ADK: variants seen among roughly 807,000 people sequenced by gnomAD.
ADK encodes adenosine kinase.
A neutral mutation model predicts 44.7 loss-of-function variants in ADK; 24 were observed. That is an observed-to-expected ratio of 0.54 (90% confidence interval 0.39 to 0.76). ADK has a LOEUF of 0.76. Ranked by LOEUF, ADK falls within the 30% of genes least tolerant of loss-of-function variation. The pLI is 0.00. For missense variants in ADK, 321 were observed against 425.1 expected (o/e 0.76, Z 2.15); for synonymous variants, 128 against 142.6 (o/e 0.90, Z 0.73).
intron 9 of ADK, 22 bp downstream of exon 9, chr10:74,600,515 T>C (rs1164651334): frequency 2.6e-6 from 4 of 1,524,090 alleles, no homozygotes; most frequent in Middle Eastern, 1.7e-4. Context: ...AAATGTGTGA[T>C]GAATCTAGTA....
intron 4 of ADK, among the ~76,000 whole-genome samples, chr10:74,339,160 C>T (rs1419069796): frequency 6.6e-6 from 1 of 151,938 alleles, no homozygotes; most frequent in African/African-American, 2.4e-5. Context: ...GGGGTCTCAC[C>T]ATGTTGCCCA....
intron 7 of ADK, among the ~76,000 whole-genome samples, chr10:74,576,479 T>C (rs779429944): frequency 1.8e-4 from 27 of 152,132 alleles, no homozygotes; most frequent in Non-Finnish European, 2.8e-4. Flanking sequence ...GAATTAATAC[T>C]CAATTTATAT....
At chr10:74,553,920 A>C (rs1850141740) in intron 7 of ADK, among the ~76,000 whole-genome samples, 1 of 152,224 alleles carries the variant, frequency 6.6e-6, no homozygotes, top group African/African-American at 2.4e-5. Context: ...CTACATCTCT[A>C]TTTTGAGAAA....
intron 1 of ADK, among the ~76,000 whole-genome samples, chr10:74,181,656 G>A (rs1046604434): frequency 5.9e-5 from 9 of 152,190 alleles, no homozygotes; most frequent in Non-Finnish European, 1.2e-4. Flanking sequence ...CCAAAGTAAA[G>A]TGAAATGTCC....
At chr10:74,333,526 C>T (rs938358865) in intron 4 of ADK, among the ~76,000 whole-genome samples, 5 of 152,028 alleles carry the variant, frequency 3.3e-5, no homozygotes, top group African/African-American at 4.8e-5. Context: ...TGAACAATGG[C>T]AATTTAATAA....
At chr10:74,297,803 A>T (rs1839872045) in intron 3 of ADK, among the ~76,000 whole-genome samples, 1 of 152,202 alleles carries the variant, frequency 6.6e-6, no homozygotes, top group South Asian at 2.1e-4. Context: ...ATATTCCTTT[A>T]TGTATTGTCT....
chr10:74,284,426 G>A (rs776893560), intron 3 of ADK, among the ~76,000 whole-genome samples: 11 of 152,000 alleles, frequency 7.2e-5, no homozygotes, highest in Non-Finnish European at 1.5e-4. Flanking sequence ...CACCATGCCC[G>A]GCTAATTTTG....
At chr10:74,286,601 C>T (rs1847169542) in intron 3 of ADK, among the ~76,000 whole-genome samples, 1 of 152,158 alleles carries the variant, frequency 6.6e-6, no homozygotes, top group South Asian at 2.1e-4. Context: ...CTAGTATTGA[C>T]AACAAGCTGA....
In ADK at chr10:74,708,421, T is replaced by A; in HGVS notation, c.1065T>A (p.Phe355Leu). The part of the protein sequence containing the change: ...SIIIRRTGCT[F>L]PEKPDFH ...TAATTAGACGGACTGGCTGCACCTT[T>A]CCTGAGAAGCCAGACTTCCACTGAT... The change falls in exon 11 of 11, where the codon TTT (phenylalanine) becomes TTA (leucine). Residue 355 changes from phenylalanine (F) to leucine (L), a missense_variant. Coordinates refer to ENST00000539909, the MANE Select transcript of ADK (RefSeq NM_006721.4). The A allele has an allele frequency of 1.2e-6, 2 of 1,612,322 alleles. No individual in the cohort carries two copies. Among genetic ancestry groups the A allele is most frequent in the Non-Finnish European group, 8.5e-7 (1 of 1,179,532 alleles).
At chr10:74,380,439 G>A (rs1842943922) in intron 4 of ADK, among the ~76,000 whole-genome samples, 1 of 152,082 alleles carries the variant, frequency 6.6e-6, no homozygotes, top group Non-Finnish European at 1.5e-5. Flanking sequence ...TTATTGTAAG[G>A]TGGTTGTTTT....
At chr10:74,323,677 T>G (rs1401195240) in intron 4 of ADK, among the ~76,000 whole-genome samples, 2 of 151,176 alleles carry the variant, frequency 1.3e-5, no homozygotes, top group African/African-American at 4.9e-5. Flanking sequence ...GTCACACCAT[T>G]CTCCTGCCTC....
Position 74,302,105 on chromosome 10 carries a change from GTTTGTTTTTTTT to G in ADK, c.195-12558_195-12547del, listed in dbSNP as rs1840066354. 1.1e-3 allele frequency among the ~76,000 whole-genome samples: 99 copies of G among 88,904 alleles called. 1 individual carries two copies. The highest frequency in any genetic ancestry group is 2.2e-3 in the African/African-American group (42 of 18,844). The allele number at this position is 88,904 out of a possible 152,430, so 58.3% of individuals were successfully genotyped here. A position where few individuals can be genotyped will look rare whatever the true frequency, so the allele number is the denominator to read the frequency against. On this transcript the variant is annotated intron_variant, in intron 3 of 10. Transcript: ENST00000539909. ...TTTCTTTTCTGTTTTTTTTTTGTTT[GTTTGTTTTTTTT>G]TTTTTTTTTTTTTTTTTTTTTTTTT... is the stretch of plus-strand genomic sequence containing the variant.
intron 6 of ADK, among the ~76,000 whole-genome samples, chr10:74,488,517 T>G (rs1452244096): frequency 1.3e-5 from 2 of 150,834 alleles, no homozygotes; most frequent in African/African-American, 4.9e-5. Flanking sequence ...TGAAAAACCT[T>G]AAGGGAAAAT....
At chr10:74,381,487 G>C (rs1041013505) in intron 4 of ADK, among the ~76,000 whole-genome samples, 3 of 152,216 alleles carry the variant, frequency 2.0e-5, no homozygotes, top group African/African-American at 7.2e-5. Context: ...GAAGAGAACA[G>C]CAGTCAGCAA....
At chr10:74,202,619 A>G (rs1382879640) in intron 2 of ADK, among the ~76,000 whole-genome samples, 1 of 152,216 alleles carries the variant, frequency 6.6e-6, no homozygotes, top group African/African-American at 2.4e-5. Flanking sequence ...CGTCTTTGCC[A>G]AAGCTTATTT....
intron 9 of ADK, among the ~76,000 whole-genome samples, chr10:74,644,639 T>C (rs1353079716): frequency 6.6e-6 from 1 of 152,160 alleles, no homozygotes; most frequent in Non-Finnish European, 1.5e-5. Flanking sequence ...GCTGGAGCAG[T>C]GCTCCCGCCT....
At chr10:74,302,718 C>A (rs1840100979) in intron 3 of ADK, among the ~76,000 whole-genome samples, 1 of 152,110 alleles carries the variant, frequency 6.6e-6, no homozygotes, top group Admixed American at 6.5e-5. Flanking sequence ...TTGGCTTGAG[C>A]CTGGGAGGCG....
At chr10:74,168,713 A>G (rs572075100) in intron 1 of ADK, among the ~76,000 whole-genome samples, 16 of 151,286 alleles carry the variant, frequency 1.1e-4, no homozygotes, top group African/African-American at 3.6e-4. Context: ...CCCGGGTTCA[A>G]GCGATTCTCC....
At chr10:74,467,120 C>T (rs1189992727) in intron 6 of ADK, among the ~76,000 whole-genome samples, 2 of 151,878 alleles carry the variant, frequency 1.3e-5, no homozygotes, top group Non-Finnish European at 2.9e-5. Context: ...TAATTATAAC[C>T]ATCTTTTTTT....
Sources: gnomAD v4.1 joint callset for allele counts (sites outside exome capture counted in the v4.1 genomes callset) on GRCh38, gnomAD v4.1.1 for gene constraint, MANE v1.5 for transcripts, NCBI Gene and HGNC (gene_info 2026-07-23, HGNC 2026-07-21) for gene names.